The following CLSTN2 variants were observed in gnomAD, a reference collection of about 807,000 sequenced individuals.
CLSTN2 encodes the protein calsyntenin 2.
In CLSTN2, 48 loss-of-function variants were observed where a neutral mutation model predicts 101.2. The ratio of observed to expected loss-of-function variants is 0.47; its 90% CI spans 0.38 to 0.60. CLSTN2 has a LOEUF of 0.60. CLSTN2 is among the 20% of genes least tolerant of loss of function. The probability of loss-of-function intolerance (pLI) is 0.00; values close to 1 mark genes in which losing one functional copy is unlikely to be tolerated. For missense variants in CLSTN2, 1,160 were observed against 1,238.2 expected (o/e 0.94, Z 0.95); for synonymous variants, 481 against 463.6 (o/e 1.04, Z -0.48).
At chr3:140,337,540 CA>C (rs1336817157) in intron 2 of CLSTN2, among the ~76,000 whole-genome samples, 1 of 152,186 alleles carries the variant, frequency 6.6e-6, no homozygotes. Flanking sequence ...ATTACATTCA[CA>C]GGTACCAGGG....
At chr3:140,536,765 G>A (rs996610723) in intron 9 of CLSTN2, among the ~76,000 whole-genome samples, 1 of 152,168 alleles carries the variant, frequency 6.6e-6, no homozygotes, top group Non-Finnish European at 1.5e-5. Flanking sequence ...AGGAAGGTAA[G>A]GGAGGCAACA....
chr3:140,245,866 AGGAAGAATGC>A (rs1392335254), intron 2 of CLSTN2, among the ~76,000 whole-genome samples: 1 of 152,168 alleles, frequency 6.6e-6, no homozygotes, highest in African/African-American at 2.4e-5. Flanking sequence ...GCACTTACTG[AGGAAGAATGC>A]CTTAGAGTGT....
At chr3:140,185,201 C>T (rs1221453532) in intron 2 of CLSTN2, among the ~76,000 whole-genome samples, 1 of 152,116 alleles carries the variant, frequency 6.6e-6, no homozygotes, top group Non-Finnish European at 1.5e-5. Context: ...TGGGCTTAGT[C>T]CCTAAGAAAA....
chr3:140,292,381 A>G (rs2086963461), intron 2 of CLSTN2, among the ~76,000 whole-genome samples: 2 of 152,158 alleles, frequency 1.3e-5, no homozygotes, highest in South Asian at 4.1e-4. Context: ...TATGTTGTCA[A>G]TATTTGTTTT....
chr3:140,281,195 C>A (rs1461416023), intron 2 of CLSTN2, among the ~76,000 whole-genome samples: 1 of 152,166 alleles, frequency 6.6e-6, no homozygotes, highest in African/African-American at 2.4e-5. Context: ...ACATCACTAC[C>A]TATTAAAATC....
At chr3:140,492,548 T>A (rs979851210) in intron 8 of CLSTN2, among the ~76,000 whole-genome samples, 46 of 152,206 alleles carry the variant, frequency 3.0e-4, no homozygotes, top group African/African-American at 1.1e-3. Flanking sequence ...AATACAGGAC[T>A]AAATCCAAGG....
intron 1 of CLSTN2, among the ~76,000 whole-genome samples, chr3:139,953,942 T>TGTGTGTGTGA (rs1404587133): frequency 3.3e-5 from 5 of 152,098 alleles, no homozygotes; most frequent in Admixed American, 6.5e-5. Flanking sequence ...TGTGTGTGTG[T>TGTGTGTGTGA]GTGTGTGTGT....
chr3:140,370,805 G>T (rs114032410), intron 2 of CLSTN2, among the ~76,000 whole-genome samples: 169 of 152,196 alleles, frequency 1.1e-3, no homozygotes, highest in African/African-American at 3.8e-3. Flanking sequence ...CAGCAGTTGG[G>T]GGCATGCTGG....
At chr3:140,204,457 C>G (rs1329351480) in intron 2 of CLSTN2, among the ~76,000 whole-genome samples, 2 of 152,194 alleles carry the variant, frequency 1.3e-5, no homozygotes, top group Non-Finnish European at 2.9e-5. Context: ...CAAATGAATA[C>G]ATGTAAAGTA....
At chr3:140,489,715 G>A (rs1279933954) in intron 8 of CLSTN2, among the ~76,000 whole-genome samples, 1 of 151,900 alleles carries the variant, frequency 6.6e-6, no homozygotes, top group South Asian at 2.1e-4. Context: ...GGAGGATGTA[G>A]GCAGATAAAT....
chr3:140,109,962 A>G (rs570273943), intron 1 of CLSTN2, among the ~76,000 whole-genome samples: 4 of 152,098 alleles, frequency 2.6e-5, no homozygotes, highest in East Asian at 1.9e-4. Context: ...ATCACAGTCA[A>G]CCCTCCCACT....
At chr3:140,318,870 G>A (rs936616605) in intron 2 of CLSTN2, among the ~76,000 whole-genome samples, 1 of 152,162 alleles carries the variant, frequency 6.6e-6, no homozygotes, top group African/African-American at 2.4e-5. Context: ...ATTATTATAA[G>A]TAATCCATCC....
At chr3:140,351,623 T>C (rs2087607822) in intron 2 of CLSTN2, among the ~76,000 whole-genome samples, 1 of 152,184 alleles carries the variant, frequency 6.6e-6, no homozygotes, top group Non-Finnish European at 1.5e-5. Context: ...CAGACCATTG[T>C]AGCACAAAGC....
intron 2 of CLSTN2, among the ~76,000 whole-genome samples, chr3:140,244,905 T>C (rs1576482162): frequency 6.6e-6 from 1 of 152,356 alleles, no homozygotes; most frequent in South Asian, 2.1e-4. Flanking sequence ...AAGTTTGAAA[T>C]GTCAAGGTTT....
At chr3:140,190,198 GAC>G (rs1218586639) in intron 2 of CLSTN2, among the ~76,000 whole-genome samples, 1 of 151,972 alleles carries the variant, frequency 6.6e-6, no homozygotes, top group Non-Finnish European at 1.5e-5. Flanking sequence ...TTGCTGGGAG[GAC>G]ACACACATTC....
intron 2 of CLSTN2, among the ~76,000 whole-genome samples, chr3:140,227,670 C>T (rs2086335351): frequency 6.6e-6 from 1 of 152,214 alleles, no homozygotes; most frequent in Non-Finnish European, 1.5e-5. Flanking sequence ...GACCCCAACC[C>T]TGTGCAAACT....
chr3:139,953,339 A>G (rs909878077), intron 1 of CLSTN2, among the ~76,000 whole-genome samples: 1 of 152,158 alleles, frequency 6.6e-6, no homozygotes, highest in African/African-American at 2.4e-5. Context: ...CAATCTGTAC[A>G]CCACACCCCT....
intron 1 of CLSTN2, among the ~76,000 whole-genome samples, chr3:139,983,569 C>A (rs1935969136): frequency 6.6e-6 from 1 of 152,096 alleles, no homozygotes; most frequent in Non-Finnish European, 1.5e-5. Context: ...ATAGTAATAA[C>A]ACTGCTGTCT....
At chr3:140,424,022 A>C (rs776834081) in intron 5 of CLSTN2, among the ~76,000 whole-genome samples, 4 of 152,120 alleles carry the variant, frequency 2.6e-5, no homozygotes, top group Non-Finnish European at 2.9e-5. Flanking sequence ...ACAGAAGTAA[A>C]ATTGCTTTGC....
Sources: allele counts gnomAD v4.1 joint callset (sites outside exome capture counted in the v4.1 genomes callset), GRCh38; gene constraint gnomAD v4.1.1; transcripts MANE v1.5; gene names NCBI Gene and HGNC (gene_info 2026-07-23, HGNC 2026-07-21).